GRB10: variants seen among roughly 807,000 people sequenced by gnomAD.
The protein encoded by GRB10 is growth factor receptor-bound protein 10.
GRB10 carries 20 observed loss-of-function variants against 80.9 expected under a neutral mutation model. The observed-to-expected ratio is 0.25, with a 90% confidence interval of 0.17 to 0.36. The LOEUF is 0.36. GRB10 is among the 10% of genes least tolerant of loss of function. The pLI is 1.00. For synonymous variants in GRB10, 291 were observed against 291.5 expected, an observed-to-expected ratio of 1.00 and a Z score of 0.02; for missense variants, 548 against 747.7, an observed-to-expected ratio of 0.73 and a Z score of 3.12.
intron 9 of GRB10, 71 bp downstream of exon 9, chr7:50,619,099 C>G: frequency 1.1e-6 from 1 of 883,874 alleles, no homozygotes; most frequent in Non-Finnish European, 1.9e-6. Flanking sequence ...TAATCTGATA[C>G]TATGAAACCC....
intron 7 of GRB10, among the ~76,000 whole-genome samples, chr7:50,629,973 A>T (rs17152049): frequency 0.017 from 2,626 of 152,322 alleles, 95 homozygotes; most frequent in African/African-American, 0.06. Context: ...ACAGGCAGTT[A>T]ATTTCCAAGG....
chr7:50,646,137 A>G (rs1190891248), intron 7 of GRB10, among the ~76,000 whole-genome samples: 3 of 152,224 alleles, frequency 2.0e-5, no homozygotes, highest in African/African-American at 7.2e-5. Flanking sequence ...CATAATTAGA[A>G]AAAGCTGCAA....
chr7:50,721,460 T>C (rs997055889), intron 4 of GRB10, among the ~76,000 whole-genome samples: 2 of 152,250 alleles, frequency 1.3e-5, no homozygotes, highest in Admixed American at 6.5e-5. Flanking sequence ...GCCCTTACTA[T>C]ACTGAATAAC....
chr7:50,672,596 A>G (rs2060480051), intron 6 of GRB10, among the ~76,000 whole-genome samples: 1 of 152,156 alleles, frequency 6.6e-6, no homozygotes, highest in Admixed American at 6.5e-5. Flanking sequence ...TGTCCCACAG[A>G]GCAAGCCTGC....
chr7:50,732,369 C>G lies in GRB10; in HGVS notation c.-46-1G>C, dbSNP rs773853170. ...AATTACATTTACTGCGCTGCAGCAC[C>G]TGGAATAAAGACAGACTGTGAGAAG... On this transcript the variant is annotated splice_acceptor_variant, in intron 3 of 18. Coordinates refer to ENST00000401949, the MANE Select transcript of GRB10 (RefSeq NM_001350814.2). LOFTEE classifies it low-confidence loss of function (5UTR_SPLICE). The G allele has an allele frequency of 6.3e-5, 98 of 1,550,138 alleles. No individual in the cohort carries two copies. The highest frequency in any genetic ancestry group is 8.4e-5 in the Non-Finnish European group (94 of 1,122,266).
chr7:50,595,610 C>CACAA, intron 17 of GRB10, 80 bp from the exon 18 acceptor site: 1 of 725,966 alleles, frequency 1.4e-6, no homozygotes, highest in Non-Finnish European at 2.5e-6. Flanking sequence ...CTTACACACA[C>CACAA]ACACACACAC....
At chr7:50,606,203 A>G (rs2048492934) in intron 14 of GRB10, 134 bp downstream of exon 14, 2 of 802,606 alleles carry the variant, frequency 2.5e-6, no homozygotes, top group African/African-American at 3.4e-5. Flanking sequence ...CGTGGGACAT[A>G]CTGGCTTCCC....
intron 7 of GRB10, among the ~76,000 whole-genome samples, chr7:50,655,675 A>G (rs2058574445): frequency 1.3e-5 from 2 of 152,184 alleles, no homozygotes; most frequent in African/African-American, 2.4e-5. Context: ...CAGCAGGCAA[A>G]GCAAAGTACA....
At chr7:50,599,966 C>T (rs554251172) in intron 17 of GRB10, among the ~76,000 whole-genome samples, 3 of 152,302 alleles carry the variant, frequency 2.0e-5, no homozygotes, top group African/African-American at 4.8e-5. Context: ...GAAACATCTT[C>T]GCCTCGGGAT....
intron 2 of GRB10, among the ~76,000 whole-genome samples, chr7:50,773,000 C>A (rs1204463620): frequency 6.6e-6 from 1 of 152,076 alleles, no homozygotes; most frequent in African/African-American, 2.4e-5. Context: ...GAGAACTGGG[C>A]AATTTACAAA....
At chr7:50,639,291 T>C (rs1775951306) in intron 7 of GRB10, among the ~76,000 whole-genome samples, 1 of 152,170 alleles carries the variant, frequency 6.6e-6, no homozygotes, top group Non-Finnish European at 1.5e-5. Flanking sequence ...AGATTTCAAG[T>C]TTGCAGTGAA....
At chr7:50,785,185 C>G (rs1197656186), upstream of GRB10, among the ~76,000 whole-genome samples, 1 of 152,238 alleles carries the variant, frequency 6.6e-6, no homozygotes, top group Non-Finnish European at 1.5e-5. Flanking sequence ...AGCCCCACAA[C>G]AAGCAACCAG....
chr7:50,647,519 C>T (rs937417582), intron 7 of GRB10, among the ~76,000 whole-genome samples: 2 of 152,162 alleles, frequency 1.3e-5, no homozygotes, highest in Admixed American at 1.3e-4. Flanking sequence ...TGCTGGGATT[C>T]GGGTCTGGAA....
rs958885634 is a variant in GRB10 at position 50,761,606 on chromosome 7, T to C, written c.-216-5550A>G. 8 of 152,378 alleles carry C rather than the reference T, an allele frequency of 5.3e-5. No homozygotes were observed. The South Asian group carries it at 1.7e-3, about 32-fold the overall frequency. 9.4% of individuals were successfully genotyped at this position (152,378 alleles called of 1,614,324 possible). On this transcript the variant is annotated intron_variant, in intron 2 of 18. Transcript: ENST00000401949. The stretch of plus-strand genomic sequence containing the variant: ...GAAAGCTCACAATGGCAGTATCAGA[T>C]GTAACTGTTCTAGGGTTCTAGAAAA...
At chr7:50,654,481 T>C (rs1040360125) in intron 7 of GRB10, among the ~76,000 whole-genome samples, 3 of 152,254 alleles carry the variant, frequency 2.0e-5, no homozygotes, top group Admixed American at 1.3e-4. Context: ...TACTGTGGGA[T>C]GACCTGGTCA....
chr7:50,701,198 CTAA>C (rs1424164116), intron 5 of GRB10, among the ~76,000 whole-genome samples: 1 of 152,116 alleles, frequency 6.6e-6, no homozygotes, highest in African/African-American at 2.4e-5. Context: ...TTAGACGCAC[CTAA>C]TATTTTTAAA....
chr7:50,672,909 C>G (rs1298901474), intron 6 of GRB10, among the ~76,000 whole-genome samples: 1 of 152,186 alleles, frequency 6.6e-6, no homozygotes, highest in African/African-American at 2.4e-5. Context: ...TGAACAAACC[C>G]TGGGACAGGC....
At chr7:50,644,813 A>T (rs2056901496) in intron 7 of GRB10, among the ~76,000 whole-genome samples, 1 of 152,180 alleles carries the variant, frequency 6.6e-6, no homozygotes, top group Non-Finnish European at 1.5e-5. Context: ...ATGACCAAGA[A>T]GGTGTGGGCA....
chr7:50,733,876 C>A (rs530717107), intron 3 of GRB10, among the ~76,000 whole-genome samples: 4 of 152,162 alleles, frequency 2.6e-5, no homozygotes, highest in Non-Finnish European at 4.4e-5. Context: ...TTAACAGAGG[C>A]ATTACCCAAT....
Sources: allele counts gnomAD v4.1 joint callset (sites outside exome capture counted in the v4.1 genomes callset), GRCh38; gene constraint gnomAD v4.1.1; transcripts MANE v1.5; gene names NCBI Gene and HGNC (gene_info 2026-07-23, HGNC 2026-07-21).